The following STK32B variants were observed in gnomAD, a reference collection of about 807,000 sequenced individuals.
STK32B encodes the protein serine/threonine-protein kinase 32B.
In STK32B, 43 loss-of-function variants were observed where a neutral mutation model predicts 52.6. The observed-to-expected ratio is 0.82, with a 90% confidence interval of 0.64 to 1.05. STK32B has a LOEUF of 1.05. STK32B is among the 50% of genes least tolerant of loss of function. The probability of loss-of-function intolerance (pLI) is 0.00; values close to 1 mark genes in which losing one functional copy is unlikely to be tolerated. For synonymous variants in STK32B, 238 were observed against 204.3 expected, an observed-to-expected ratio of 1.17 and a Z score of -1.41; for missense variants, 621 against 534.6, an observed-to-expected ratio of 1.16 and a Z score of -1.59.
At chr4:5,438,453 A>C (rs1056856291) in intron 6 of STK32B, among the ~76,000 whole-genome samples, 4 of 152,176 alleles carry the variant, frequency 2.6e-5, no homozygotes, top group African/African-American at 4.8e-5. Flanking sequence ...AATACAAAAC[A>C]CACAGAATTT....
intron 2 of STK32B, among the ~76,000 whole-genome samples, chr4:5,154,313 T>G (rs1577113252): frequency 6.6e-6 from 1 of 151,804 alleles, no homozygotes; most frequent in East Asian, 1.9e-4. Context: ...CCTCCTGGGT[T>G]CAAGTGATTC....
chr4:5,481,578 CTT>C (rs1231329083), intron 11 of STK32B, among the ~76,000 whole-genome samples: 1 of 152,104 alleles, frequency 6.6e-6, no homozygotes, highest in Non-Finnish European at 1.5e-5. Flanking sequence ...TGCAGAAGCT[CTT>C]TAGTTTAATT....
intron 1 of STK32B, among the ~76,000 whole-genome samples, chr4:5,073,370 G>T (rs1367051020): frequency 1.3e-5 from 2 of 151,828 alleles, no homozygotes. Context: ...GCATTATTAT[G>T]CTACTACAAA....
chr4:5,222,821 T>C (rs1040221327), intron 3 of STK32B, among the ~76,000 whole-genome samples: 2 of 152,074 alleles, frequency 1.3e-5, no homozygotes, highest in Non-Finnish European at 2.9e-5. Context: ...AGTAAAAAAA[T>C]GTGGTTAGGA....
intron 4 of STK32B, among the ~76,000 whole-genome samples, chr4:5,350,623 A>G (rs13115781): frequency 0.037 from 5,705 of 152,290 alleles, 154 homozygotes; most frequent in Non-Finnish European, 0.056. Flanking sequence ...AATGACAGGA[A>G]TATACCCTCA....
intron 3 of STK32B, among the ~76,000 whole-genome samples, chr4:5,301,723 G>T (rs1476240174): frequency 7.2e-6 from 1 of 138,594 alleles, no homozygotes; most frequent in Admixed American, 7.2e-5. Context: ...CTTTTCCAAA[G>T]AATCAGATTT....
Position 5,499,049 on chromosome 4 carries a change from T to A in STK32B, c.1211T>A (p.Leu404His), listed in dbSNP as rs1473666662. Residue 404 changes from leucine to histidine, a missense_variant, in exon 12 of 12, where the codon CTC (leucine) becomes CAC (histidine). Leu to His is a moderately conservative substitution (Grantham distance 99). Coordinates refer to ENST00000282908, the MANE Select transcript of STK32B (RefSeq NM_018401.3). ...CAGGACGGGTGCAACAACAACCTCC[T>A]CACCCACACCTGCACCCGTGGCTGC... ...KLQDGCNNNL[L>H]THTCTRGCSS 1 of 1,613,404 alleles carries A rather than the reference T, an allele frequency of 6.2e-7. No individual in the cohort carries two copies.
In STK32B at chr4:5,249,740, G is replaced by T. The variant is rs546148692; in HGVS notation, c.260+81290G>T. 4.6e-5 allele frequency among the ~76,000 whole-genome samples: 7 copies of T among 152,144 alleles called. No homozygotes were observed. The South Asian group carries it at 1.5e-3, about 32-fold the overall frequency. ...ACGGTCTTAAAAACCCAGATTCTCAGTCTGGCTCTCTCTTAATTTATTGTT... is the reference window on the plus strand; with the variant it reads ...ACGGTCTTAAAAACCCAGATTCTCATTCTGGCTCTCTCTTAATTTATTGTT... On this transcript the variant is annotated intron_variant, in intron 3 of 11. Coordinates refer to ENST00000282908, the MANE Select transcript of STK32B (RefSeq NM_018401.3).
chr4:5,368,774 G>T (rs1183488931), intron 4 of STK32B, among the ~76,000 whole-genome samples: 1 of 152,194 alleles, frequency 6.6e-6, no homozygotes, highest in Non-Finnish European at 1.5e-5. Flanking sequence ...GAAATCCACT[G>T]CTGGTGTCCT....
chr4:5,076,047 A>G (rs1241217217), intron 1 of STK32B, among the ~76,000 whole-genome samples: 2 of 152,190 alleles, frequency 1.3e-5, no homozygotes, highest in African/African-American at 2.4e-5. Context: ...TCTCATGGCA[A>G]TGGCAGAAGT....
At chr4:5,202,011 C>T (rs1401048920) in intron 3 of STK32B, among the ~76,000 whole-genome samples, 1 of 152,210 alleles carries the variant, frequency 6.6e-6, no homozygotes, top group South Asian at 2.1e-4. Context: ...AGTCTTAACT[C>T]ATTCCAGCAT....
chr4:5,263,899 A>G (rs1394592360), intron 3 of STK32B, among the ~76,000 whole-genome samples: 2 of 152,206 alleles, frequency 1.3e-5, no homozygotes, highest in East Asian at 1.9e-4. Flanking sequence ...GGTTTTGCCT[A>G]TTCCAGAATT....
Position 5,051,738 on chromosome 4 carries a change from G to T in STK32B, c.-126G>T. ...CCCTGCACGGTGCTCGGCCCCCTCG[G>T]GCTCCGCGCGCGGCTACAACCCGGA... On this transcript the variant is annotated 5_prime_UTR_variant, in exon 1 of 12. Transcript: ENST00000282908. 1.5e-6 allele frequency: 2 copies of T among 1,342,200 alleles called. No homozygotes were observed. The highest frequency in any genetic ancestry group is 2.0e-6 in the Non-Finnish European group (2 of 982,368). 83.1% of individuals were successfully genotyped at this position (1,342,200 alleles called of 1,614,324 possible). A position where few individuals can be genotyped will look rare whatever the true frequency, so the allele number is the denominator to read the frequency against.
intron 4 of STK32B, among the ~76,000 whole-genome samples, chr4:5,337,893 G>GA (rs946922305): frequency 6.6e-6 from 1 of 152,146 alleles, no homozygotes; most frequent in Admixed American, 6.5e-5. Context: ...AGAAACTGGG[G>GA]AAATGGGAAG....
At chr4:5,313,278 A>T (rs549282763) in intron 3 of STK32B, among the ~76,000 whole-genome samples, 2 of 152,040 alleles carry the variant, frequency 1.3e-5, no homozygotes, top group African/African-American at 4.8e-5. Context: ...AGCTAAAGAA[A>T]AAATCCTATT....
chr4:5,401,160 T>C (rs529868496), intron 5 of STK32B, among the ~76,000 whole-genome samples: 59 of 152,334 alleles, frequency 3.9e-4, no homozygotes, highest in African/African-American at 1.3e-3. Context: ...ATTAATCTTA[T>C]GCCTTCAAAA....
At chr4:5,475,936 C>T (rs1485940937) in intron 11 of STK32B, among the ~76,000 whole-genome samples, 1 of 151,702 alleles carries the variant, frequency 6.6e-6, no homozygotes, top group Non-Finnish European at 1.5e-5. Context: ...TGCTCGTCGC[C>T]CAGGCTGGAG....
At chr4:5,176,011 T>C (rs1719851074) in intron 3 of STK32B, among the ~76,000 whole-genome samples, 1 of 152,134 alleles carries the variant, frequency 6.6e-6, no homozygotes, top group East Asian at 1.9e-4. Context: ...TGGGCGCCCC[T>C]CCCCAAGCCT....
At chr4:5,353,200 A>T (rs372989850) in intron 4 of STK32B, among the ~76,000 whole-genome samples, 9 of 152,334 alleles carry the variant, frequency 5.9e-5, no homozygotes, top group African/African-American at 1.9e-4. Context: ...ACTGTATATC[A>T]TATGCAGAAG....
Sources: gnomAD v4.1 joint callset for allele counts (sites outside exome capture counted in the v4.1 genomes callset) on GRCh38, gnomAD v4.1.1 for gene constraint, MANE v1.5 for transcripts, NCBI Gene and HGNC (gene_info 2026-07-23, HGNC 2026-07-21) for gene names.